Variants in TCERG1L observed in about 807,000 individuals in gnomAD.
TCERG1L encodes transcription elongation regulator 1 like, also known as transcription elongation regulator 1-like protein.
In TCERG1L, 37 loss-of-function variants were observed where a neutral mutation model predicts 56.3. The observed-to-expected ratio is 0.66, with a 90% confidence interval of 0.51 to 0.87. The LOEUF is 0.87. TCERG1L is among the 40% of genes least tolerant of loss of function. The pLI is 0.00. For synonymous variants in TCERG1L, 324 were observed against 326.3 expected, an observed-to-expected ratio of 0.99 and a Z score of 0.08; for missense variants, 799 against 774.2, an observed-to-expected ratio of 1.03 and a Z score of -0.38.
intron 3 of TCERG1L, among the ~76,000 whole-genome samples, chr10:131,291,396 C>CCTTTTTTTTTTTTTTTTTTTT (rs1167056441): frequency 1.5e-5 from 1 of 67,698 alleles, no homozygotes; most frequent in Admixed American, 2.1e-4. Flanking sequence ...CCATAAACAG[C>CCTTTTTTTTTTTTTTTTTTTT]ATTTCTTTTT....
At chr10:131,141,276 C>T (rs1845736231) in intron 7 of TCERG1L, among the ~76,000 whole-genome samples, 1 of 152,160 alleles carries the variant, frequency 6.6e-6, no homozygotes, top group South Asian at 2.1e-4. Flanking sequence ...GACAGCCATC[C>T]TCCATCCCTC....
chr10:131,193,469 T>A (rs566330432), intron 4 of TCERG1L, among the ~76,000 whole-genome samples: 1 of 152,356 alleles, frequency 6.6e-6, no homozygotes, highest in African/African-American at 2.4e-5. Flanking sequence ...AGTATTTTTA[T>A]AGTTTCATGT....
At chr10:131,257,041 GAAA>G (rs1564827242) in intron 4 of TCERG1L, among the ~76,000 whole-genome samples, 3 of 137,838 alleles carry the variant, frequency 2.2e-5, no homozygotes, top group African/African-American at 8.3e-5. Flanking sequence ...AAGAAAGAAA[GAAA>G]GAAAGAAAGA....
intron 4 of TCERG1L, among the ~76,000 whole-genome samples, chr10:131,171,144 CAAACAA>C (rs151263531): frequency 0.62 from 85,074 of 137,158 alleles, 26,180 homozygotes; most frequent in South Asian, 0.71. Flanking sequence ...GGCTCCATCT[CAAACAA>C]AAACAAAAAC....
At chr10:131,098,010 G>A (rs1845266954) in intron 11 of TCERG1L, among the ~76,000 whole-genome samples, 1 of 152,224 alleles carries the variant, frequency 6.6e-6, no homozygotes, top group South Asian at 2.1e-4. Flanking sequence ...ATTTGGGTCA[G>A]TCAGGGCTGC....
At chr10:131,251,798 T>C (rs1332224293) in intron 4 of TCERG1L, among the ~76,000 whole-genome samples, 1 of 152,216 alleles carries the variant, frequency 6.6e-6, no homozygotes, top group African/African-American at 2.4e-5. Flanking sequence ...TGAAATTTAC[T>C]GTCTCAACCA....
chr10:131,187,713 A>G (rs959570512), intron 4 of TCERG1L, among the ~76,000 whole-genome samples: 10 of 152,178 alleles, frequency 6.6e-5, no homozygotes, highest in African/African-American at 2.4e-4. Flanking sequence ...AGCTGCAACT[A>G]CAATACTGCC....
intron 8 of TCERG1L, among the ~76,000 whole-genome samples, chr10:131,125,233 A>G (rs1319811909): frequency 6.6e-6 from 1 of 152,174 alleles, no homozygotes; most frequent in East Asian, 1.9e-4. Context: ...GGTGGTGATG[A>G]TTCTTCACCT....
intron 4 of TCERG1L, among the ~76,000 whole-genome samples, chr10:131,241,504 A>T (rs1845971842): frequency 6.6e-6 from 1 of 152,160 alleles, no homozygotes; most frequent in Non-Finnish European, 1.5e-5. Context: ...CGCAATATAA[A>T]AACATAAGAG....
intron 4 of TCERG1L, among the ~76,000 whole-genome samples, chr10:131,259,741 C>T (rs1846213669): frequency 6.6e-6 from 1 of 152,234 alleles, no homozygotes; most frequent in Non-Finnish European, 1.5e-5. Context: ...TTGTGGCGGC[C>T]CAAGCCTCTG....
chr10:131,183,950 G>A (rs537834006), intron 4 of TCERG1L, among the ~76,000 whole-genome samples: 1 of 152,306 alleles, frequency 6.6e-6, no homozygotes, highest in South Asian at 2.1e-4. Context: ...CACCTCCTCT[G>A]ACTGCTCACT....
chr10:131,275,357 A>C (rs913500120), intron 3 of TCERG1L, among the ~76,000 whole-genome samples: 8 of 152,232 alleles, frequency 5.3e-5, no homozygotes, highest in Non-Finnish European at 1.2e-4. Context: ...GGACAGGTAC[A>C]AGGCGAGAGT....
chr10:131,119,704 T>C lies in TCERG1L; in HGVS notation c.1260-2770A>G, dbSNP rs150865212. Reference sequence around the variant, plus strand: ...GCTAAATATATTTTTGATATTCTTATGGCTGAATGAGTTCTGTACCTTTAA... The same window carrying C: ...GCTAAATATATTTTTGATATTCTTACGGCTGAATGAGTTCTGTACCTTTAA... On this transcript the variant is annotated intron_variant, in intron 8 of 11. Coordinates refer to ENST00000368642, the MANE Select transcript of TCERG1L (RefSeq NM_174937.4). Among the ~76,000 whole-genome samples the C allele has an allele frequency of 8.1e-4, 123 of 152,364 alleles. 1 individual carries two copies. The Middle Eastern group carries it at 0.017, about 21-fold the overall frequency.
chr10:131,112,403 G>A (rs1260799114), intron 9 of TCERG1L, among the ~76,000 whole-genome samples: 2 of 142,108 alleles, frequency 1.4e-5, no homozygotes, highest in African/African-American at 5.0e-5. Context: ...CTGTCCCCCA[G>A]GCCCCCACTG....
At chr10:131,216,818 C>G (rs578131510) in intron 4 of TCERG1L, among the ~76,000 whole-genome samples, 1 of 152,272 alleles carries the variant, frequency 6.6e-6, no homozygotes, top group East Asian at 1.9e-4. Flanking sequence ...TCGGAGCCCC[C>G]CAGCTGTCCG....
intron 6 of TCERG1L, among the ~76,000 whole-genome samples, chr10:131,153,775 A>G (rs2996077): frequency 0.82 from 125,184 of 152,098 alleles, 53,037 homozygotes; most frequent in South Asian, 0.93. Context: ...AATTCCCAGT[A>G]AAGAGTGGAG....
chr10:131,165,844 T>C (rs934492173), intron 5 of TCERG1L, among the ~76,000 whole-genome samples: 1 of 152,202 alleles, frequency 6.6e-6, no homozygotes, highest in Non-Finnish European at 1.5e-5. Context: ...AAACGGCTAA[T>C]CATGGTATAA....
intron 4 of TCERG1L, among the ~76,000 whole-genome samples, chr10:131,255,232 TGCTGC>T (rs1392733397): frequency 6.6e-6 from 1 of 152,136 alleles, no homozygotes; most frequent in African/African-American, 2.4e-5. Context: ...TACAAACAAA[TGCTGC>T]ACAAAAGTGA....
chr10:131,224,643 C>G (rs1850899201), intron 4 of TCERG1L, among the ~76,000 whole-genome samples: 1 of 152,176 alleles, frequency 6.6e-6, no homozygotes, highest in African/African-American at 2.4e-5. Flanking sequence ...TCTCCAACTT[C>G]AAGACCGAAG....
Sources: gnomAD v4.1 joint callset for allele counts (sites outside exome capture counted in the v4.1 genomes callset) on GRCh38, gnomAD v4.1.1 for gene constraint, MANE v1.5 for transcripts, NCBI Gene and HGNC (gene_info 2026-07-23, HGNC 2026-07-21) for gene names.